HTR2C: variants seen among roughly 807,000 people sequenced by gnomAD.
HTR2C encodes the protein 5-hydroxytryptamine (serotonin) receptor 2C, G protein-coupled.
HTR2C carries 5 observed loss-of-function variants against 21.0 expected under a neutral mutation model. The observed-to-expected ratio is 0.24, with a 90% CI of 0.12 to 0.50. HTR2C has a LOEUF of 0.50. HTR2C is among the 20% of genes least tolerant of loss of function. The pLI is 0.98. For synonymous variants in HTR2C, 150 were observed against 145.3 expected, an observed-to-expected ratio of 1.03 and a Z score of -0.23; for missense variants, 271 against 371.2, an observed-to-expected ratio of 0.73 and a Z score of 2.22.
chrX:114,594,044 C>G (rs906931509), intron 1 of HTR2C, among the ~76,000 whole-genome samples: 1 of 111,322 alleles, frequency 9.0e-6, no homozygotes, highest in African/African-American at 3.3e-5. Context: ...TTCTTTTTGT[C>G]TTTTGTTATT....
intron 4 of HTR2C, chrX:114,763,345 C>A (rs1182316193): frequency 8.2e-6 from 1 of 121,926 alleles, no homozygotes; most frequent in Non-Finnish European, 1.9e-5. Context: ...AATCTACAAA[C>A]CCTCAAGATA....
chrX:114,824,997 G>A (rs1171369663), intron 4 of HTR2C, among the ~76,000 whole-genome samples: 4 of 111,836 alleles, frequency 3.6e-5, no homozygotes, highest in Admixed American at 9.5e-5. Context: ...AATTGATAAT[G>A]TGTGGCTTCT....
At position 114,805,721 on chromosome X, in the gene HTR2C, A is replaced by ATG. The variant is rs1556448740; in HGVS notation, c.350-42281_350-42280insGT. Reference sequence around the variant, plus strand: ...ACCATATATATACCATATATATACCATATATACACCATATATACACCATAT... The same window carrying ATG: ...ACCATATATATACCATATATATACCATGTATATACACCATATATACACCATAT... On this transcript the variant is annotated intron_variant, in intron 4 of 5. Coordinates refer to ENST00000276198, the MANE Select transcript of HTR2C (RefSeq NM_000868.4). Among the ~76,000 whole-genome samples the ATG allele has an allele frequency of 8.2e-3, 183 of 22,445 alleles. 50 individuals carry two copies. The highest frequency in any genetic ancestry group is 0.027 in the African/African-American group (176 of 6,483). 19.5% of individuals were successfully genotyped at this position (22,445 alleles called of 115,157 possible).
chrX:114,778,870 A>G (rs1397803314), intron 4 of HTR2C, among the ~76,000 whole-genome samples: 1 of 111,688 alleles, frequency 9.0e-6, no homozygotes, highest in Admixed American at 9.5e-5. Flanking sequence ...AATAGAAAAC[A>G]TTAAGTTCCT....
chrX:114,752,431 C>T (rs2069769281), intron 4 of HTR2C, among the ~76,000 whole-genome samples: 1 of 110,876 alleles, frequency 9.0e-6, no homozygotes, highest in Non-Finnish European at 1.9e-5. Context: ...AGTAAATGTT[C>T]TCCAGGTACC....
chrX:114,880,009 T>C (rs1458724721), intron 5 of HTR2C, among the ~76,000 whole-genome samples: 2 of 110,992 alleles, frequency 1.8e-5, no homozygotes, highest in Non-Finnish European at 3.8e-5. Context: ...TATATCTTTA[T>C]TGTTCCTCTG....
chrX:114,841,465 G>A (rs1461996883), intron 4 of HTR2C, among the ~76,000 whole-genome samples: 1 of 112,090 alleles, frequency 8.9e-6, no homozygotes, highest in Non-Finnish European at 1.9e-5. Flanking sequence ...CTTGCGGCTG[G>A]GCGCAGTGGC....
intron 4 of HTR2C, among the ~76,000 whole-genome samples, chrX:114,774,523 G>GT (rs782609641): frequency 1.4e-3 from 157 of 112,001 alleles, no homozygotes; most frequent in African/African-American, 5.0e-3. Flanking sequence ...TATACAAAAT[G>GT]TAAGTGCTTA....
chrX:114,802,153 G>A (rs908874438), intron 4 of HTR2C, among the ~76,000 whole-genome samples: 2 of 110,829 alleles, frequency 1.8e-5, no homozygotes, highest in East Asian at 2.8e-4. Flanking sequence ...TTGAGGCACC[G>A]TAATTTTGGA....
Position 114,807,109 on chromosome X carries a change from GTA to G in HTR2C, c.350-40885_350-40884del, listed in dbSNP as rs1168474432. ...TATATATACCCCATATATACACCAT[GTA>G]TATATATACCATATATACACCATAT... On this transcript the variant is annotated intron_variant, in intron 4 of 5. Transcript: ENST00000276198. Among the ~76,000 whole-genome samples, 3 of 16,202 alleles carry G rather than the reference GTA, an allele frequency of 1.9e-4. 1 individual carries two copies. Among genetic ancestry groups the G allele is most frequent in the African/African-American group, 5.4e-4 (3 of 5,542 alleles). 14.1% of individuals were successfully genotyped at this position (16,202 alleles called of 115,157 possible).
At chrX:114,774,796 T>C in intron 4 of HTR2C, 1 of 389,670 alleles carries the variant, frequency 2.6e-6, no homozygotes, top group Non-Finnish European at 4.6e-6. Flanking sequence ...TTTAAATGTG[T>C]GGAACAATGC....
intron 4 of HTR2C, among the ~76,000 whole-genome samples, chrX:114,818,123 C>A (rs1382382780): frequency 9.0e-6 from 1 of 111,508 alleles, no homozygotes; most frequent in East Asian, 2.8e-4. Flanking sequence ...CCCAAAGAAA[C>A]CATTTGAGAA....
At chrX:114,700,938 C>CA in intron 2 of HTR2C, among the ~76,000 whole-genome samples, 1 of 112,310 alleles carries the variant, frequency 8.9e-6, no homozygotes, top group African/African-American at 3.2e-5. Flanking sequence ...GTCCTACGCC[C>CA]ACGGAGTCTT....
At chrX:114,678,569 GTAAT>G (rs1375282201) in intron 2 of HTR2C, among the ~76,000 whole-genome samples, 1 of 111,530 alleles carries the variant, frequency 9.0e-6, no homozygotes, top group East Asian at 2.8e-4. Flanking sequence ...AGCCTCATGA[GTAAT>G]TATTTAACAT....
At chrX:114,671,358 A>G (rs781786134) in intron 2 of HTR2C, among the ~76,000 whole-genome samples, 30 of 112,342 alleles carry the variant, frequency 2.7e-4, no homozygotes, top group African/African-American at 8.7e-4. Flanking sequence ...CCTTGTTTTC[A>G]GATCCCAGAT....
At chrX:114,749,112 A>G (rs2069732948) in intron 4 of HTR2C, among the ~76,000 whole-genome samples, 2 of 63,708 alleles carry the variant, frequency 3.1e-5, no homozygotes, top group Middle Eastern at 8.2e-3. Context: ...TCAAATAAAT[A>G]GACAATAAAA....
At chrX:114,844,460 GA>G (rs782725656) in intron 4 of HTR2C, among the ~76,000 whole-genome samples, 1 of 111,639 alleles carries the variant, frequency 9.0e-6, no homozygotes, top group Non-Finnish European at 1.9e-5. Context: ...GGCAGTGACA[GA>G]AAAAAATGAT....
intron 5 of HTR2C, among the ~76,000 whole-genome samples, chrX:114,859,338 G>A (rs782284080): frequency 5.4e-4 from 60 of 111,264 alleles, no homozygotes; most frequent in African/African-American, 1.9e-3. Context: ...GTGTGTGTGC[G>A]TGTGCATGCA....
chrX:114,787,633 G>T (rs1211206165), intron 4 of HTR2C, among the ~76,000 whole-genome samples: 2 of 111,915 alleles, frequency 1.8e-5, no homozygotes, highest in Non-Finnish European at 3.8e-5. Flanking sequence ...CAGAAATAAA[G>T]ACATCAAAAC....
Sources: gnomAD v4.1 joint callset for allele counts (sites outside exome capture counted in the v4.1 genomes callset) on GRCh38, gnomAD v4.1.1 for gene constraint, MANE v1.5 for transcripts, NCBI Gene and HGNC (gene_info 2026-07-23, HGNC 2026-07-21) for gene names.